The following PTPN21 variants were observed in gnomAD, a reference collection of about 807,000 sequenced individuals.
PTPN21 encodes protein tyrosine phosphatase non-receptor type 21, also known as tyrosine-protein phosphatase non-receptor type 21.
A neutral mutation model predicts 131.8 loss-of-function variants in PTPN21; 77 were observed. The observed-to-expected ratio is 0.58, with a 90% confidence interval of 0.49 to 0.71. PTPN21 has a LOEUF of 0.71. PTPN21 is among the 30% of genes least tolerant of loss of function. The probability of loss-of-function intolerance (pLI) is 0.00; values close to 1 mark genes in which losing one functional copy is unlikely to be tolerated. For missense variants in PTPN21, 1,552 were observed against 1,527.1 expected, an observed-to-expected ratio of 1.02 and a Z score of -0.27; for synonymous variants, 715 against 621.3, an observed-to-expected ratio of 1.15 and a Z score of -2.24.
rs78797145 is a variant in PTPN21, at chr14:88,516,357, G to A, written c.350+735C>T. ...GATGAAAGGGCGTGCAGCATGTTTCGGGCCCTTGAAGTAGCACAGCTACTT... is the reference window on the plus strand; with the variant it reads ...GATGAAAGGGCGTGCAGCATGTTTCAGGCCCTTGAAGTAGCACAGCTACTT... On this transcript the variant is annotated intron_variant, in intron 3 of 18. Coordinates refer to ENST00000556564, the MANE Select transcript of PTPN21 (RefSeq NM_007039.4). Among the ~76,000 whole-genome samples the A allele has an allele frequency of 4.3e-4, 66 of 152,068 alleles. 4 individuals are homozygous for A. In the East Asian group the frequency reaches 0.011, roughly 26 times the overall value.
At chr14:88,550,167 G>C (rs556443394) in intron 2 of PTPN21, 71 bp downstream of exon 2, 5 of 1,464,536 alleles carry the variant, frequency 3.4e-6, no homozygotes, top group Admixed American at 2.0e-5. Context: ...ACCAGCCTCG[G>C]CCTCTCAAAG....
intron 10 of PTPN21, among the ~76,000 whole-genome samples, chr14:88,492,517 G>A (rs1488464421): frequency 1.3e-5 from 2 of 152,228 alleles, no homozygotes; most frequent in African/African-American, 4.8e-5. Flanking sequence ...GGACTCGGAT[G>A]CAAACATGGT....
At chr14:88,470,267 G>T in intron 15 of PTPN21, 1 of 563,584 alleles carries the variant, frequency 1.8e-6, no homozygotes, top group Non-Finnish European at 3.1e-6. Flanking sequence ...TAGGTACTGT[G>T]AATATACATA....
intron 2 of PTPN21, among the ~76,000 whole-genome samples, chr14:88,540,633 T>C (rs2078692447): frequency 6.6e-6 from 1 of 152,192 alleles, no homozygotes; most frequent in Admixed American, 6.5e-5. Context: ...GTCTGAGCCA[T>C]CTAAGTAACT....
intron 15 of PTPN21, 105 bp from the exon 16 acceptor site, chr14:88,470,155 AAAGT>A: frequency 9.9e-7 from 1 of 1,013,342 alleles, no homozygotes; most frequent in Non-Finnish European, 1.4e-6. Flanking sequence ...AAAAAAGTAA[AAAGT>A]AAAAAAGTAG....
chr14:88,520,871 T>A (rs2078379369), intron 2 of PTPN21, among the ~76,000 whole-genome samples: 1 of 152,060 alleles, frequency 6.6e-6, no homozygotes, highest in Non-Finnish European at 1.5e-5. Flanking sequence ...TGAGAGAGAG[T>A]TGCACTCTAT....
chr14:88,484,317 G>A (rs2077700992), intron 12 of PTPN21, among the ~76,000 whole-genome samples: 1 of 151,456 alleles, frequency 6.6e-6, no homozygotes, highest in African/African-American at 2.4e-5. Context: ...AACCTCCTTA[G>A]CATTTGGTAT....
Position 88,479,389 on chromosome 14 carries a change from C to G in PTPN21, c.2042G>C (p.Arg681Thr), listed in dbSNP as rs2077601177. 2 of 1,606,464 alleles carry G rather than the reference C, an allele frequency of 1.2e-6. No homozygotes were observed. The highest frequency in any genetic ancestry group is 1.7e-6 in the Non-Finnish European group (2 of 1,179,372). ...VGSQPSVFTE[R>T]TQREGPEEAE... ...CTCCTCCGGCCCTTCTCGCTGTGTC[C>G]TCTCGGTGAAAACGCTGGGCTGGGA... is the stretch of plus-strand genomic sequence containing the variant. The change falls in exon 13 of 19, where the codon AGG (arginine) becomes ACG (threonine). Residue 681 changes from arginine to threonine, a missense_variant. Around this residue, in one of 4 missense-constraint regions of PTPN21, gnomAD observed 1,016 missense variants for 883.5 expected, o/e 1.15. Coordinates refer to ENST00000556564, the MANE Select transcript of PTPN21 (RefSeq NM_007039.4).
intron 6 of PTPN21, among the ~76,000 whole-genome samples, chr14:88,502,993 T>G (rs1595375790): frequency 6.6e-6 from 1 of 151,942 alleles, no homozygotes; most frequent in African/African-American, 2.4e-5. Context: ...TAGGTTCTAA[T>G]GAAACTGATC....
chr14:88,507,749 T>C (rs897097350), intron 4 of PTPN21, among the ~76,000 whole-genome samples, 174 bp downstream of exon 4: 1 of 152,034 alleles, frequency 6.6e-6, no homozygotes, highest in African/African-American at 2.4e-5. Flanking sequence ...TTCATTGAGG[T>C]ATTCCAAGTT....
chr14:88,483,791 CACTGAGGAGCATGG>C (rs1026282063), intron 12 of PTPN21, among the ~76,000 whole-genome samples: 1 of 152,128 alleles, frequency 6.6e-6, no homozygotes, highest in African/African-American at 2.4e-5. Context: ...GTCTCTCTTC[CACTGAGGAGCATGG>C]TAATTGCACA....
chr14:88,508,144 G>GT, intron 3 of PTPN21, 124 bp from the exon 4 acceptor site: 1 of 433,258 alleles, frequency 2.3e-6, no homozygotes, highest in East Asian at 3.9e-5. Context: ...CCACATGGTT[G>GT]TGTGTGTTTT....
chr14:88,553,867 A>G (rs182464779), intron 1 of PTPN21, among the ~76,000 whole-genome samples: 2 of 152,268 alleles, frequency 1.3e-5, no homozygotes, highest in African/African-American at 4.8e-5. Flanking sequence ...ATAAGCACTA[A>G]AAGGAGAGAG....
intron 10 of PTPN21, among the ~76,000 whole-genome samples, chr14:88,491,551 A>G (rs764387352): frequency 1.3e-5 from 2 of 152,278 alleles, no homozygotes; most frequent in Non-Finnish European, 2.9e-5. Context: ...ATATTGGAAC[A>G]TGACTAAACA....
At chr14:88,541,607 T>C (rs935125816) in intron 2 of PTPN21, among the ~76,000 whole-genome samples, 1 of 152,052 alleles carries the variant, frequency 6.6e-6, no homozygotes, top group African/African-American at 2.4e-5. Flanking sequence ...AGTGGGGGAA[T>C]TCCCACTCAT....
At chr14:88,547,489 C>T (rs2078799994) in intron 2 of PTPN21, 1 of 295,866 alleles carries the variant, frequency 3.4e-6, no homozygotes, top group African/African-American at 2.3e-5. Flanking sequence ...CTCAAAAACA[C>T]AAGTTAAAAA....
In PTPN21 at chr14:88,465,809, T is replaced by C. The variant is rs2077354780; in HGVS notation, c.*2328A>G. On this transcript the variant is annotated 3_prime_UTR_variant, in exon 19 of 19. Transcript: ENST00000556564. ...GGATAGATTTTTATTCAGAAATCCTTTCATATTCACTAACTGCAATTAAAA... is the reference window on the plus strand; with the variant it reads ...GGATAGATTTTTATTCAGAAATCCTCTCATATTCACTAACTGCAATTAAAA... 1 of 152,190 alleles carries C rather than the reference T, an allele frequency of 6.6e-6. No homozygotes were observed. The highest frequency in any genetic ancestry group is 2.4e-5 in the African/African-American group (1 of 41,444). 9.4% of individuals were successfully genotyped at this position (152,190 alleles called of 1,614,324 possible). A position where few individuals can be genotyped will look rare whatever the true frequency, so the allele number is the denominator to read the frequency against.
At chr14:88,524,572 A>C (rs2078446469) in intron 2 of PTPN21, among the ~76,000 whole-genome samples, 1 of 152,210 alleles carries the variant, frequency 6.6e-6, no homozygotes, top group African/African-American at 2.4e-5. Context: ...TAACACCAAA[A>C]ACATGAGCAA....
At chr14:88,480,478 C>G (rs1444888556) in intron 12 of PTPN21, 126 bp from the exon 13 acceptor site, 1 of 790,032 alleles carries the variant, frequency 1.3e-6, no homozygotes, top group Non-Finnish European at 2.0e-6. Flanking sequence ...GCTAGAATGA[C>G]CTAGCTTTAG....
Sources: gnomAD v4.1 joint callset for allele counts (sites outside exome capture counted in the v4.1 genomes callset) on GRCh38, gnomAD v4.1.1 for gene constraint, gnomAD v4.1.1 regional missense constraint, MANE v1.5 for transcripts, NCBI Gene and HGNC (gene_info 2026-07-23, HGNC 2026-07-21) for gene names.